Variants in PLEKHA5 observed in about 807,000 individuals in gnomAD.
PLEKHA5 encodes the protein pleckstrin homology domain containing A5, also known as pleckstrin homology domain-containing family A member 5.
A neutral mutation model predicts 181.9 loss-of-function variants in PLEKHA5; 55 were observed. The ratio of observed to expected loss-of-function variants is 0.30; its 90% CI spans 0.24 to 0.38. PLEKHA5 has a LOEUF of 0.38. PLEKHA5 is among the 10% of genes least tolerant of loss of function. The pLI is 1.00. For synonymous variants in PLEKHA5, 535 were observed against 529.4 expected, an observed-to-expected ratio of 1.01 and a Z score of -0.15; for missense variants, 1,432 against 1,549.5, an observed-to-expected ratio of 0.92 and a Z score of 1.27.
chr12:19,254,961 C>T (rs2152552734), intron 4 of PLEKHA5, 84 bp from the exon 5 acceptor site: 1 of 1,182,564 alleles, frequency 8.5e-7, no homozygotes, highest in Non-Finnish European at 1.2e-6. Context: ...AAGTAGGACA[C>T]TCGCATTGTT....
intron 3 of PLEKHA5, among the ~76,000 whole-genome samples, chr12:19,194,363 G>C (rs2052094685): frequency 6.6e-6 from 1 of 152,192 alleles, no homozygotes; most frequent in African/African-American, 2.4e-5. Flanking sequence ...CAGTTAGATT[G>C]ATTCCGTATC....
chr12:19,327,256 T>G (rs1251396951), intron 20 of PLEKHA5, among the ~76,000 whole-genome samples: 3 of 151,104 alleles, frequency 2.0e-5, no homozygotes, highest in African/African-American at 4.8e-5. Context: ...TGTTTTTTTT[T>G]TTTTTTTTAC....
At chr12:19,180,518 G>A (rs893984457) in intron 3 of PLEKHA5, among the ~76,000 whole-genome samples, 1 of 152,006 alleles carries the variant, frequency 6.6e-6, no homozygotes, top group Non-Finnish European at 1.5e-5. Context: ...AATTTTGTCA[G>A]ATACTGTGGA....
At chr12:19,261,438 A>G (rs2068468877) in intron 7 of PLEKHA5, among the ~76,000 whole-genome samples, 1 of 152,232 alleles carries the variant, frequency 6.6e-6, no homozygotes, top group African/African-American at 2.4e-5. Context: ...CAAATGAAAA[A>G]AGTGAAATAC....
chr12:19,306,820 A>G, intron 15 of PLEKHA5: 1 of 815,192 alleles, frequency 1.2e-6, no homozygotes, highest in Non-Finnish European at 2.2e-6. Context: ...TGTCTGACAA[A>G]CACTGTATTC....
chr12:19,172,338 T>C (rs2046097348), intron 3 of PLEKHA5, among the ~76,000 whole-genome samples: 1 of 152,188 alleles, frequency 6.6e-6, no homozygotes, highest in African/African-American at 2.4e-5. Context: ...CTGTCTGTTG[T>C]TGACCAAAAT....
At chr12:19,293,777 G>T (rs2079064176) in intron 15 of PLEKHA5, among the ~76,000 whole-genome samples, 3 of 152,112 alleles carry the variant, frequency 2.0e-5, no homozygotes, top group Admixed American at 2.0e-4. Context: ...CATATGCTAA[G>T]ATGCCCTTCC....
intron 7 of PLEKHA5, among the ~76,000 whole-genome samples, chr12:19,262,031 A>G (rs2068668967): frequency 6.6e-6 from 1 of 152,172 alleles, no homozygotes; most frequent in Admixed American, 6.5e-5. Flanking sequence ...TGTTGTCTTT[A>G]GTTAAATGCT....
At position 19,309,744 on chromosome 12, in the gene PLEKHA5, C is replaced by CA. The variant is rs59619350; in HGVS notation, c.2038-5059dup. 3.4e-3 allele frequency among the ~76,000 whole-genome samples: 502 copies of CA among 147,776 alleles called. 4 individuals carry two copies. The highest frequency in any genetic ancestry group is 0.012 in the African/African-American group (460 of 39,172). On this transcript the variant is annotated intron_variant, in intron 15 of 31. Coordinates refer to ENST00000429027, the MANE Select transcript of PLEKHA5 (RefSeq NM_001256470.2). The stretch of plus-strand genomic sequence containing the variant: ...TGGGCGACAGAGTGAGACTCTGTCT[C>CA]AAAAAAAAAAATAATAAAATCTCAA...
intron 3 of PLEKHA5, among the ~76,000 whole-genome samples, chr12:19,180,940 G>A (rs2048400515): frequency 6.6e-6 from 1 of 151,370 alleles, no homozygotes; most frequent in African/African-American, 2.4e-5. Flanking sequence ...GGAGCCTGGG[G>A]ATCTGTTTTT....
intron 3 of PLEKHA5, among the ~76,000 whole-genome samples, chr12:19,211,522 C>G (rs538673511): frequency 6.6e-6 from 1 of 152,032 alleles, no homozygotes; most frequent in South Asian, 2.1e-4. Flanking sequence ...TTCTCCTTTA[C>G]GGCCTATGGA....
At chr12:19,164,570 T>C (rs2043830494) in intron 3 of PLEKHA5, among the ~76,000 whole-genome samples, 1 of 152,172 alleles carries the variant, frequency 6.6e-6, no homozygotes, top group African/African-American at 2.4e-5. Flanking sequence ...CTTTCTTTCT[T>C]GGCACTATTG....
At chr12:19,363,051 C>T (rs1051954112) in intron 29 of PLEKHA5, among the ~76,000 whole-genome samples, 4 of 151,946 alleles carry the variant, frequency 2.6e-5, no homozygotes, top group Non-Finnish European at 4.4e-5. Context: ...GGTCAAAATT[C>T]TAAGCTGTCT....
At chr12:19,221,874 G>A (rs2058993814) in intron 3 of PLEKHA5, among the ~76,000 whole-genome samples, 1 of 152,170 alleles carries the variant, frequency 6.6e-6, no homozygotes, top group Non-Finnish European at 1.5e-5. Context: ...AAGGAGACAT[G>A]ATGACTAAAT....
intron 16 of PLEKHA5, among the ~76,000 whole-genome samples, chr12:19,319,423 C>G (rs1243994456): frequency 6.6e-6 from 1 of 152,136 alleles, no homozygotes; most frequent in Non-Finnish European, 1.5e-5. Context: ...AAGTTATCTC[C>G]TGTTTAAATG....
At chr12:19,275,286 A>T (rs1565552545) in intron 11 of PLEKHA5, among the ~76,000 whole-genome samples, 1 of 151,916 alleles carries the variant, frequency 6.6e-6, no homozygotes, top group East Asian at 1.9e-4. Context: ...CTGTCCTCCC[A>T]ACCCACCCCT....
intron 4 of PLEKHA5, 151 bp from the exon 5 acceptor site, chr12:19,254,894 G>A (rs2066431675): frequency 1.9e-6 from 1 of 532,960 alleles, no homozygotes; most frequent in Non-Finnish European, 3.2e-6. Flanking sequence ...TGTATTTAAA[G>A]TTGTTGTAAG....
intron 3 of PLEKHA5, among the ~76,000 whole-genome samples, chr12:19,248,550 C>T (rs549760661): frequency 6.6e-5 from 10 of 152,144 alleles, no homozygotes; most frequent in African/African-American, 9.7e-5. Flanking sequence ...TAACATTATA[C>T]TGCAATGGCC....
rs576689254 is a variant in PLEKHA5 at position 19,312,277 on chromosome 12, T to G, written c.2038-2537T>G. Among the ~76,000 whole-genome samples the G allele has an allele frequency of 2.6e-5, 4 of 152,332 alleles. No individual in the cohort carries two copies. The South Asian group carries it at 8.3e-4, about 32-fold the overall frequency. Reference sequence around the variant, plus strand: ...AAATGAGCATCAGCTTCAGCTTGAATTACCAGCTGCATTATCCCCAAACAA... The same window carrying G: ...AAATGAGCATCAGCTTCAGCTTGAAGTACCAGCTGCATTATCCCCAAACAA... On this transcript the variant is annotated intron_variant, in intron 15 of 31. Transcript: ENST00000429027.
Sources: allele counts gnomAD v4.1 joint callset (sites outside exome capture counted in the v4.1 genomes callset), GRCh38; gene constraint gnomAD v4.1.1; transcripts MANE v1.5; gene names NCBI Gene and HGNC (gene_info 2026-07-23, HGNC 2026-07-21).